Variants in NCKAP5 observed in about 807,000 individuals in gnomAD.
NCKAP5 encodes nck-associated protein 5.
Under a neutral mutation model 167.0 loss-of-function variants are expected in NCKAP5, and 92 were observed. That is an observed-to-expected ratio of 0.55 (90% CI 0.47 to 0.66). NCKAP5 has a LOEUF of 0.66. NCKAP5 is among the 30% of genes least tolerant of loss of function. The probability of loss-of-function intolerance (pLI) is 0.00; values close to 1 mark genes in which losing one functional copy is unlikely to be tolerated. For synonymous variants in NCKAP5, 891 were observed against 877.4 expected, an observed-to-expected ratio of 1.02 and a Z score of -0.27; for missense variants, 2,378 against 2,315.0, an observed-to-expected ratio of 1.03 and a Z score of -0.56.
At chr2:133,011,241 C>A (rs1432076843) in intron 6 of NCKAP5, among the ~76,000 whole-genome samples, 2 of 152,194 alleles carry the variant, frequency 1.3e-5, no homozygotes, top group South Asian at 2.1e-4. Flanking sequence ...AGAAACTGTG[C>A]AGACCTTTGC....
chr2:132,794,304 AGAG>A (rs1558788533), intron 12 of NCKAP5, among the ~76,000 whole-genome samples: 1 of 113,598 alleles, frequency 8.8e-6, no homozygotes, highest in Non-Finnish European at 1.9e-5. Context: ...AGAGAGAGAG[AGAG>A]GGTGGCGGGA....
intron 3 of NCKAP5, among the ~76,000 whole-genome samples, chr2:133,373,153 G>A (rs1012317590): frequency 6.6e-6 from 1 of 152,108 alleles, no homozygotes; most frequent in South Asian, 2.1e-4. Flanking sequence ...TCTGCCTACC[G>A]GGTTCAAGCA....
chr2:133,308,233 C>T (rs990269772), intron 3 of NCKAP5, among the ~76,000 whole-genome samples: 136 of 151,384 alleles, frequency 9.0e-4, no homozygotes, highest in African/African-American at 2.9e-3. Context: ...GGACTACAGG[C>T]GCCCGCCACC....
chr2:133,622,040 A>G, the NCKAP5 span, among the ~76,000 whole-genome samples: 1 of 152,178 alleles, frequency 6.6e-6, no homozygotes, highest in Non-Finnish European at 1.5e-5. Context: ...AAATCATATG[A>G]TCATCTCAAT....
chr2:132,694,354 T>G (rs1375691224), intron 19 of NCKAP5, among the ~76,000 whole-genome samples: 6 of 152,164 alleles, frequency 3.9e-5, no homozygotes, highest in Admixed American at 2.0e-4. Flanking sequence ...TCTATTTGGA[T>G]GCACACATCA....
intron 4 of NCKAP5, among the ~76,000 whole-genome samples, chr2:133,262,327 C>G (rs1374137504): frequency 6.6e-6 from 1 of 152,098 alleles, no homozygotes; most frequent in Non-Finnish European, 1.5e-5. Flanking sequence ...AAATCTCCGG[C>G]TATTTAGAGG....
At chr2:132,868,864 T>C in intron 10 of NCKAP5, 72 bp downstream of exon 10, 2 of 1,144,302 alleles carry the variant, frequency 1.7e-6, no homozygotes, top group South Asian at 1.7e-5. Flanking sequence ...CACAATTTCC[T>C]AGCTTAACAA....
chr2:133,022,889 G>A (rs1338030007), intron 6 of NCKAP5, among the ~76,000 whole-genome samples: 1 of 152,190 alleles, frequency 6.6e-6, no homozygotes, highest in Non-Finnish European at 1.5e-5. Context: ...AGCAAACTCT[G>A]TATTACCTTC....
intron 7 of NCKAP5, among the ~76,000 whole-genome samples, chr2:132,984,711 T>C (rs901325178): frequency 1.3e-5 from 2 of 151,964 alleles, no homozygotes; most frequent in African/African-American, 4.8e-5. Flanking sequence ...TCCAAAACTA[T>C]ATTTCCTGTC....
chr2:132,757,511 C>T (rs1249247812), intron 16 of NCKAP5, among the ~76,000 whole-genome samples: 1 of 152,170 alleles, frequency 6.6e-6, no homozygotes, highest in African/African-American at 2.4e-5. Flanking sequence ...CCAAGAACAC[C>T]CTGTTCTCAA....
intron 3 of NCKAP5, among the ~76,000 whole-genome samples, chr2:133,351,964 G>C (rs910617200): frequency 6.6e-6 from 1 of 152,066 alleles, no homozygotes; most frequent in African/African-American, 2.4e-5. Context: ...TAAAATGTAA[G>C]TCACATCATG....
intron 3 of NCKAP5, among the ~76,000 whole-genome samples, chr2:133,434,058 C>T (rs1690321947): frequency 6.6e-6 from 1 of 152,054 alleles, no homozygotes. Flanking sequence ...CAGAACAAAG[C>T]ATTCTCTCAT....
intron 3 of NCKAP5, among the ~76,000 whole-genome samples, chr2:133,441,435 G>T (rs575364383): frequency 5.0e-4 from 76 of 152,210 alleles, no homozygotes; most frequent in African/African-American, 1.7e-3. Context: ...TAAAATTAAG[G>T]CTCTTCCAGC....
chr2:132,937,382 A>T (rs930457426), intron 8 of NCKAP5, among the ~76,000 whole-genome samples: 9 of 152,210 alleles, frequency 5.9e-5, no homozygotes, highest in African/African-American at 2.2e-4. Context: ...TATTAAAAAC[A>T]TTTACTTAAA....
chr2:132,994,420 G>C (rs1167232660), intron 6 of NCKAP5, among the ~76,000 whole-genome samples, 181 bp from the exon 7 acceptor site: 1 of 151,972 alleles, frequency 6.6e-6, no homozygotes, highest in Non-Finnish European at 1.5e-5. Context: ...CATTCTTTGG[G>C]ATGCCTCTAC....
chr2:133,417,529 C>G (rs1004093549), intron 3 of NCKAP5, among the ~76,000 whole-genome samples: 1 of 152,186 alleles, frequency 6.6e-6, no homozygotes. Flanking sequence ...AGAGAGCTGT[C>G]GAGGTGCACA....
intron 3 of NCKAP5, among the ~76,000 whole-genome samples, chr2:133,502,651 A>T (rs1247608065): frequency 2.0e-5 from 3 of 152,146 alleles, no homozygotes; most frequent in Admixed American, 2.0e-4. Flanking sequence ...GCCCTCCCTC[A>T]TGCCGTGAGC....
chr2:133,552,072 G>A (rs12991319), intron 2 of NCKAP5, among the ~76,000 whole-genome samples: 5,220 of 90,822 alleles, frequency 0.057, 30 homozygotes, highest in Non-Finnish European at 0.076. Flanking sequence ...TTAGAATGGC[G>A]ATCATTAAAA....
chr2:133,604,652 A>C, the NCKAP5 span, among the ~76,000 whole-genome samples: 10 of 151,690 alleles, frequency 6.6e-5, no homozygotes, highest in African/African-American at 2.2e-4. Context: ...CTGGGACTGA[A>C]TCTCAAACTC....
Sources: gnomAD v4.1 joint callset for allele counts (sites outside exome capture counted in the v4.1 genomes callset) on GRCh38, gnomAD v4.1.1 for gene constraint, MANE v1.5 for transcripts, NCBI Gene and HGNC (gene_info 2026-07-23, HGNC 2026-07-21) for gene names.